Variants in CNTN5 observed in about 807,000 individuals in gnomAD.
CNTN5 encodes contactin-5.
In CNTN5, 77 loss-of-function variants were observed where a neutral mutation model predicts 129.1. That is an observed-to-expected ratio of 0.60 (90% CI 0.50 to 0.72). CNTN5 has a LOEUF of 0.72. CNTN5 is among the 30% of genes least tolerant of loss of function. The pLI is 0.00. For missense variants in CNTN5, 1,478 were observed against 1,328.8 expected (o/e 1.11, Z -1.75); for synonymous variants, 509 against 465.6 (o/e 1.09, Z -1.20).
chr11:99,170,712 G>T (rs900144700), intron 1 of CNTN5, among the ~76,000 whole-genome samples: 1 of 152,208 alleles, frequency 6.6e-6, no homozygotes, highest in African/African-American at 2.4e-5. Context: ...AAGTAAGGCT[G>T]AGGAAATGCA....
intron 3 of CNTN5, among the ~76,000 whole-genome samples, chr11:99,562,914 A>G (rs1460873772): frequency 6.6e-6 from 1 of 152,216 alleles, no homozygotes; most frequent in Non-Finnish European, 1.5e-5. Flanking sequence ...TTTAGGGAAG[A>G]TGACCGAGCT....
At chr11:99,498,266 C>T (rs978174929) in intron 2 of CNTN5, among the ~76,000 whole-genome samples, 8 of 152,022 alleles carry the variant, frequency 5.3e-5, no homozygotes, top group African/African-American at 1.7e-4. Flanking sequence ...TTTTGTAGCT[C>T]TAAATAGCAT....
intron 9 of CNTN5, among the ~76,000 whole-genome samples, chr11:100,003,032 C>G (rs757265714): frequency 1.3e-5 from 2 of 151,808 alleles, no homozygotes; most frequent in Non-Finnish European, 2.9e-5. Flanking sequence ...GTAGGTTTAG[C>G]CTTTGGGTAA....
intron 3 of CNTN5, among the ~76,000 whole-genome samples, chr11:99,624,758 T>C (rs637387): frequency 0.61 from 92,968 of 152,032 alleles, 29,315 homozygotes; most frequent in Admixed American, 0.74. Context: ...CTGATACATG[T>C]CTGATGGTGA....
At chr11:99,678,716 GA>G (rs1237917247) in intron 3 of CNTN5, among the ~76,000 whole-genome samples, 1 of 151,980 alleles carries the variant, frequency 6.6e-6, no homozygotes, top group Non-Finnish European at 1.5e-5. Context: ...TCTGTAAAAG[GA>G]TAAAGTCCTT....
intron 1 of CNTN5, among the ~76,000 whole-genome samples, chr11:99,107,340 C>T (rs186123040): frequency 6.6e-6 from 1 of 152,112 alleles, no homozygotes; most frequent in Admixed American, 6.5e-5. Context: ...AGATTAAAAT[C>T]ATTTGTTGGT....
At chr11:100,050,620 TATA>T (rs767320139) in intron 9 of CNTN5, among the ~76,000 whole-genome samples, 9 of 151,112 alleles carry the variant, frequency 6.0e-5, no homozygotes, top group Non-Finnish European at 1.0e-4. Context: ...AAACTTAAAG[TATA>T]ATAATAATAA....
intron 3 of CNTN5, among the ~76,000 whole-genome samples, chr11:99,785,765 C>T (rs983024703): frequency 2.0e-5 from 3 of 152,076 alleles, no homozygotes; most frequent in Non-Finnish European, 4.4e-5. Flanking sequence ...GCCTGATTTT[C>T]TCAATAGATG....
intron 1 of CNTN5, among the ~76,000 whole-genome samples, chr11:99,247,211 T>C (rs532698859): frequency 1.3e-5 from 2 of 152,236 alleles, no homozygotes; most frequent in African/African-American, 2.4e-5. Flanking sequence ...GATTTAAGTA[T>C]AGATTTAGAA....
intron 3 of CNTN5, among the ~76,000 whole-genome samples, chr11:99,584,518 C>T (rs749385543): frequency 3.9e-5 from 6 of 152,098 alleles, no homozygotes; most frequent in African/African-American, 7.2e-5. Context: ...TGAGAAAATT[C>T]GGGAGCCATG....
chr11:100,315,319 C>T (rs1212030603), intron 21 of CNTN5, among the ~76,000 whole-genome samples: 1 of 152,164 alleles, frequency 6.6e-6, no homozygotes, highest in East Asian at 1.9e-4. Context: ...TCATTTTTAA[C>T]TAACCCAACA....
chr11:99,327,942 G>A (rs1299105660), intron 2 of CNTN5, among the ~76,000 whole-genome samples: 3 of 152,158 alleles, frequency 2.0e-5, no homozygotes, highest in African/African-American at 2.4e-5. Flanking sequence ...TTAGAGAAGA[G>A]TCTGAATGGC....
intron 6 of CNTN5, among the ~76,000 whole-genome samples, chr11:99,893,840 CAT>C (rs777878443): frequency 5.3e-4 from 81 of 151,970 alleles, no homozygotes; most frequent in Non-Finnish European, 1.1e-3. Context: ...TATATTTTGT[CAT>C]ATATTTGGCT....
chr11:99,453,197 GA>G (rs1944374468), intron 2 of CNTN5, among the ~76,000 whole-genome samples: 1 of 152,122 alleles, frequency 6.6e-6, no homozygotes, highest in South Asian at 2.1e-4. Flanking sequence ...AGATATTGAT[GA>G]ATCATATTTT....
chr11:99,661,457 G>T (rs1565400903), intron 3 of CNTN5, among the ~76,000 whole-genome samples: 1 of 151,948 alleles, frequency 6.6e-6, no homozygotes, highest in Admixed American at 6.6e-5. Context: ...TCAAGAATAA[G>T]CAATCACTTA....
chr11:99,665,478 A>ATTTTTTT (rs34435537), intron 3 of CNTN5, among the ~76,000 whole-genome samples: 3 of 65,918 alleles, frequency 4.6e-5, no homozygotes, highest in African/African-American at 1.0e-4. Flanking sequence ...TGAAACTACA[A>ATTTTTTT]TTTTTTTTTT....
rs1393104610 is a variant in CNTN5 at position 100,286,651 on chromosome 11, G to T, written c.2315-10974G>T. On this transcript the variant is annotated intron_variant, in intron 18 of 24. Transcript: ENST00000524871. Reference sequence around the variant, plus strand: ...CAAAAGTAGATAAAACCACAAAGATGGGGAAAAAACACAACAGAAAAACTG... The same window carrying T: ...CAAAAGTAGATAAAACCACAAAGATTGGGAAAAAACACAACAGAAAAACTG... Among the ~76,000 whole-genome samples, 3 of 149,202 alleles carry T rather than the reference G, an allele frequency of 2.0e-5. No homozygotes were observed. In the East Asian group the frequency reaches 5.9e-4, roughly 29 times the overall value.
chr11:99,822,837 A>G (rs1946842581), intron 4 of CNTN5, among the ~76,000 whole-genome samples: 1 of 152,250 alleles, frequency 6.6e-6, no homozygotes, highest in Non-Finnish European at 1.5e-5. Flanking sequence ...TAGATTATAA[A>G]TAAAGTAATG....
At chr11:99,060,467 T>G (rs564222218) in intron 1 of CNTN5, among the ~76,000 whole-genome samples, 1 of 152,236 alleles carries the variant, frequency 6.6e-6, no homozygotes, top group African/African-American at 2.4e-5. Context: ...AAAGCTATCA[T>G]AGTTGAAAAC....
Sources: gnomAD v4.1 joint callset for allele counts (sites outside exome capture counted in the v4.1 genomes callset) on GRCh38, gnomAD v4.1.1 for gene constraint, MANE v1.5 for transcripts, NCBI Gene and HGNC (gene_info 2026-07-23, HGNC 2026-07-21) for gene names.